Variants in USP46 observed in about 807,000 individuals in gnomAD.
The protein encoded by USP46 is ubiquitin carboxyl-terminal hydrolase 46.
USP46 carries 12 observed loss-of-function variants against 44.4 expected under a neutral mutation model. The observed-to-expected ratio is 0.27, with a 90% CI of 0.17 to 0.44. The LOEUF is 0.44. Among genes scored for constraint, USP46 ranks in the 20% least tolerant of loss-of-function variants. The pLI is 1.00. For missense variants in USP46, 248 were observed against 444.8 expected, an observed-to-expected ratio of 0.56 and a Z score of 3.98; for synonymous variants, 155 against 161.5, an observed-to-expected ratio of 0.96 and a Z score of 0.31.
chr4:52,620,855 C>T (rs1717349403), intron 4 of USP46, among the ~76,000 whole-genome samples: 1 of 152,212 alleles, frequency 6.6e-6, no homozygotes, highest in South Asian at 2.1e-4. Context: ...TTGCCCCAAA[C>T]TGGCAATAGC....
intron 2 of USP46, among the ~76,000 whole-genome samples, chr4:52,629,994 T>G (rs1360123030): frequency 6.6e-6 from 1 of 152,218 alleles, no homozygotes; most frequent in Admixed American, 6.5e-5. Flanking sequence ...ACTTTCCCAG[T>G]GGAAATTACT....
At chr4:52,636,808 CTTT>C (rs201531652) in intron 1 of USP46, among the ~76,000 whole-genome samples, 1 of 139,976 alleles carries the variant, frequency 7.1e-6, no homozygotes, top group Non-Finnish European at 1.6e-5. Context: ...ATAATAAAAT[CTTT>C]TTTTTTTTCT....
At chr4:52,649,521 C>T (rs1301608945) in intron 1 of USP46, among the ~76,000 whole-genome samples, 1 of 152,140 alleles carries the variant, frequency 6.6e-6, no homozygotes, top group East Asian at 1.9e-4. Flanking sequence ...AAAATGGTCC[C>T]GAAACCAGCA....
intron 1 of USP46, among the ~76,000 whole-genome samples, chr4:52,632,918 G>GAAAGAA (rs34224846): frequency 2.1e-3 from 75 of 35,162 alleles, no homozygotes; most frequent in Middle Eastern, 0.014. Flanking sequence ...AAGAAAGAAA[G>GAAAGAA]AGAAAGAAAG....
intron 4 of USP46, among the ~76,000 whole-genome samples, chr4:52,616,355 C>A (rs1295001275): frequency 6.6e-6 from 1 of 151,746 alleles, no homozygotes; most frequent in African/African-American, 2.4e-5. Context: ...CCCTTCCCTT[C>A]CCTTTTCCTT....
chr4:52,639,584 C>T (rs770005011), intron 1 of USP46, among the ~76,000 whole-genome samples: 3 of 152,190 alleles, frequency 2.0e-5, no homozygotes, highest in Non-Finnish European at 4.4e-5. Context: ...TGCTCACAAT[C>T]CTGCTAGCTA....
intron 5 of USP46, among the ~76,000 whole-genome samples, chr4:52,609,872 T>C (rs1716856904): frequency 8.1e-6 from 1 of 124,076 alleles, no homozygotes; most frequent in African/African-American, 3.0e-5. Flanking sequence ...AAAAAAATTA[T>C]GGAAACCTAA....
At chr4:52,625,779 G>A (rs544548815) in intron 4 of USP46, among the ~76,000 whole-genome samples, 41 of 152,308 alleles carry the variant, frequency 2.7e-4, no homozygotes, top group African/African-American at 8.9e-4. Context: ...TCCCCATGGT[G>A]TAAAGCAATT....
Position 52,591,078 on chromosome 4 carries a change from A to C in USP46, c.*6562T>G, listed in dbSNP as rs557615695. On this transcript the variant is annotated 3_prime_UTR_variant, in exon 9 of 9. Coordinates refer to ENST00000441222, the MANE Select transcript of USP46 (RefSeq NM_022832.4). Reference sequence around the variant, plus strand: ...TATCTTTCTAATCCCCTCAGAGTGGAAAACAGGTAATTCTCAACCTGGAGA... The same window carrying C: ...TATCTTTCTAATCCCCTCAGAGTGGCAAACAGGTAATTCTCAACCTGGAGA... The C allele has an allele frequency of 1.3e-5, 2 of 152,352 alleles. No homozygotes were observed. The highest frequency in any genetic ancestry group is 6.5e-5 in the Admixed American group (1 of 15,302). The allele number at this position is 152,352 out of a possible 1,614,324, so 9.4% of individuals were successfully genotyped here. A position where few individuals can be genotyped will look rare whatever the true frequency, so the allele number is the denominator to read the frequency against.
At chr4:52,637,800 C>G (rs1468258098) in intron 1 of USP46, among the ~76,000 whole-genome samples, 5 of 152,232 alleles carry the variant, frequency 3.3e-5, no homozygotes, top group African/African-American at 2.4e-5. Context: ...CAGTGACCTT[C>G]ACTGCTGTTT....
At chr4:52,631,252 G>GTGTTGACCA in intron 1 of USP46, 108 bp from the exon 2 acceptor site, 1 of 794,892 alleles carries the variant, frequency 1.3e-6, no homozygotes, top group Non-Finnish European at 2.0e-6. Context: ...TGGTCAACAC[G>GTGTTGACCA]GTATTTGTTG....
At chr4:52,609,898 C>CTTTTT (rs66817554) in intron 5 of USP46, among the ~76,000 whole-genome samples, 489 of 24,580 alleles carry the variant, frequency 0.02, 115 homozygotes, top group Non-Finnish European at 0.028. Flanking sequence ...AATTCTATTT[C>CTTTTT]TTTTTTTTTT....
intron 4 of USP46, among the ~76,000 whole-genome samples, chr4:52,622,318 A>G (rs941610698): frequency 6.6e-6 from 1 of 152,184 alleles, no homozygotes; most frequent in Non-Finnish European, 1.5e-5. Flanking sequence ...CGTTATACAC[A>G]CACACATATA....
In USP46 at chr4:52,656,315, G is replaced by A. The variant is rs1457727325; in HGVS notation, c.36+2800C>T. Reference sequence around the variant, plus strand: ...ACCTACCTGAAAACAATTCATTATTGAGCAAAGAATCTAAAGAGAGGTCCA... The same window carrying A: ...ACCTACCTGAAAACAATTCATTATTAAGCAAAGAATCTAAAGAGAGGTCCA... On this transcript the variant is annotated intron_variant, in intron 1 of 8. Coordinates refer to ENST00000441222, the MANE Select transcript of USP46 (RefSeq NM_022832.4). 5 of 1,551,290 alleles carry A rather than the reference G, an allele frequency of 3.2e-6. No individual in the cohort carries two copies. The East Asian group carries it at 7.3e-5, about 23-fold the overall frequency.
intron 5 of USP46, among the ~76,000 whole-genome samples, chr4:52,607,786 T>C (rs1401625487): frequency 6.6e-6 from 1 of 152,206 alleles, no homozygotes. Flanking sequence ...GTTCCAGTTA[T>C]GTGATGTGCC....
intron 1 of USP46, among the ~76,000 whole-genome samples, chr4:52,657,928 A>C (rs1053340286): frequency 1.3e-5 from 2 of 152,102 alleles, no homozygotes; most frequent in Non-Finnish European, 2.9e-5. Flanking sequence ...TTGCAACAGA[A>C]TGTGGGACAG....
chr4:52,604,765 A>C (rs936416437), intron 5 of USP46, among the ~76,000 whole-genome samples, 181 bp from the exon 6 acceptor site: 2 of 152,212 alleles, frequency 1.3e-5, no homozygotes, highest in Admixed American at 6.5e-5. Flanking sequence ...AAACAAAAAT[A>C]AGCTAAGACT....
chr4:52,653,078 T>C (rs575582906), intron 1 of USP46, among the ~76,000 whole-genome samples: 10 of 152,150 alleles, frequency 6.6e-5, no homozygotes, highest in South Asian at 2.1e-4. Flanking sequence ...CAAAGAATCA[T>C]TCTGAGAATT....
chr4:52,618,838 A>G (rs1261991669), intron 4 of USP46, among the ~76,000 whole-genome samples: 1 of 152,198 alleles, frequency 6.6e-6, no homozygotes, highest in Admixed American at 6.5e-5. Flanking sequence ...CAGAAACTCT[A>G]CTGAATCAAT....
Sources: gnomAD v4.1 joint callset for allele counts (sites outside exome capture counted in the v4.1 genomes callset) on GRCh38, gnomAD v4.1.1 for gene constraint, MANE v1.5 for transcripts, NCBI Gene and HGNC (gene_info 2026-07-23, HGNC 2026-07-21) for gene names.